The following ABCB5 variants were observed in gnomAD, a reference collection of about 807,000 sequenced individuals.
ABCB5 encodes ATP binding cassette subfamily B member 5, also known as ATP-binding cassette sub-family B member 5.
A neutral mutation model predicts 144.2 loss-of-function variants in ABCB5; 155 were observed. The observed-to-expected ratio is 1.08, with a 90% CI of 0.94 to 1.23. The LOEUF is 1.23. Ranked by LOEUF, ABCB5 falls within the 50% of genes most tolerant of loss-of-function variation. The pLI is 0.00. For synonymous variants in ABCB5, 610 were observed against 528.6 expected, an observed-to-expected ratio of 1.15 and a Z score of -2.11; for missense variants, 1,830 against 1,520.8, an observed-to-expected ratio of 1.20 and a Z score of -3.38.
chr7:20,702,889 G>C (rs978876014), intron 19 of ABCB5, among the ~76,000 whole-genome samples: 3 of 139,750 alleles, frequency 2.1e-5, no homozygotes, highest in Non-Finnish European at 3.0e-5. Context: ...TGTTAGCCAA[G>C]ATGGTCTCGA....
At chr7:20,651,873 T>G (rs1316664441) in intron 13 of ABCB5, among the ~76,000 whole-genome samples, 1 of 152,054 alleles carries the variant, frequency 6.6e-6, no homozygotes, top group Non-Finnish European at 1.5e-5. Flanking sequence ...CTATTGTTAA[T>G]TTTAGTGTAT....
Position 20,736,174 on chromosome 7 carries a change from T to C in ABCB5, c.2868-2809T>C, listed in dbSNP as rs117325684. 1.5e-3 allele frequency among the ~76,000 whole-genome samples: 233 copies of C among 152,306 alleles called. 5 individuals are homozygous for C. The East Asian group carries it at 0.034, about 22-fold the overall frequency. On this transcript the variant is annotated intron_variant, in intron 23 of 27. Coordinates refer to ENST00000404938, the MANE Select transcript of ABCB5 (RefSeq NM_001163941.2). ...TGTGATTTGACCTGCCGTGCTAATCTATTGCTACAGAAGTGTGAGAGCTTT... is the reference window on the plus strand; with the variant it reads ...TGTGATTTGACCTGCCGTGCTAATCCATTGCTACAGAAGTGTGAGAGCTTT...
chr7:20,651,395 C>T, intron 12 of ABCB5, 25 bp from the exon 13 acceptor site: 1 of 1,612,926 alleles, frequency 6.2e-7, no homozygotes, highest in Non-Finnish European at 8.5e-7. Flanking sequence ...GGCATCACAA[C>T]ATGGTTCATT....
chr7:20,624,399 A>T (rs1289888216), intron 2 of ABCB5, among the ~76,000 whole-genome samples: 2 of 152,210 alleles, frequency 1.3e-5, no homozygotes, highest in Non-Finnish European at 2.9e-5. Flanking sequence ...AATACACTAC[A>T]GACCTCATTG....
intron 20 of ABCB5, among the ~76,000 whole-genome samples, chr7:20,710,393 G>GGGGGGGGT (rs1786989760): frequency 1.0e-5 from 1 of 100,018 alleles, no homozygotes; most frequent in African/African-American, 3.8e-5. Flanking sequence ...TGGGGGGGGG[G>GGGGGGGGT]CATGACTGTG....
At chr7:20,701,728 A>C (rs529815908) in intron 19 of ABCB5, among the ~76,000 whole-genome samples, 1 of 152,332 alleles carries the variant, frequency 6.6e-6, no homozygotes, top group Non-Finnish European at 1.5e-5. Context: ...TCATGTACAT[A>C]CTCACAAAGA....
intron 7 of ABCB5, among the ~76,000 whole-genome samples, chr7:20,645,334 A>G (rs961103309): frequency 2.6e-5 from 4 of 152,198 alleles, no homozygotes; most frequent in African/African-American, 9.6e-5. Flanking sequence ...CAGTTATCCA[A>G]GCATGTCTTA....
chr7:20,702,843 T>A (rs1786679191), intron 19 of ABCB5, among the ~76,000 whole-genome samples: 1 of 148,338 alleles, frequency 6.7e-6, no homozygotes, highest in African/African-American at 2.5e-5. Context: ...TTTTTTTTTT[T>A]TTTTTTGTAT....
intron 15 of ABCB5, 91 bp from the exon 16 acceptor site, chr7:20,685,605 A>G: frequency 1.7e-6 from 2 of 1,173,978 alleles, no homozygotes. Flanking sequence ...TCAATAGCAA[A>G]GGCGATAACA....
chr7:20,661,655 C>G (rs1785008256), intron 14 of ABCB5, among the ~76,000 whole-genome samples: 1 of 151,282 alleles, frequency 6.6e-6, no homozygotes, highest in African/African-American at 2.4e-5. Flanking sequence ...CTGCCTCAGG[C>G]TCCTGAGTAG....
intron 14 of ABCB5, chr7:20,659,692 C>T (rs1442990955): frequency 1.5e-5 from 15 of 987,348 alleles, no homozygotes; most frequent in Middle Eastern, 1.0e-3. Context: ...ATTTTTTATA[C>T]TTAGTAACTA....
At chr7:20,618,022 T>C (rs1478597669) in intron 1 of ABCB5, among the ~76,000 whole-genome samples, 1 of 152,174 alleles carries the variant, frequency 6.6e-6, no homozygotes, top group Non-Finnish European at 1.5e-5. Flanking sequence ...AACTTTAAGA[T>C]TACCCTTTTT....
chr7:20,645,643 G>C, intron 7 of ABCB5, 113 bp from the exon 8 acceptor site: 1 of 1,322,430 alleles, frequency 7.6e-7, no homozygotes, highest in South Asian at 1.5e-5. Flanking sequence ...CAGAGATAAA[G>C]TCTAAAAAAA....
chr7:20,708,101 G>GC (rs1562571714), intron 20 of ABCB5, among the ~76,000 whole-genome samples: 1 of 152,080 alleles, frequency 6.6e-6, no homozygotes. Context: ...ACCGCGCCCG[G>GC]CGGTAACCTC....
chr7:20,690,190 A>G (rs1009128300), intron 16 of ABCB5, among the ~76,000 whole-genome samples: 1 of 152,234 alleles, frequency 6.6e-6, no homozygotes, highest in Middle Eastern at 3.2e-3. Flanking sequence ...TTGTGAATCT[A>G]AGCAACAAAC....
chr7:20,663,181 C>T (rs754321078), intron 14 of ABCB5, among the ~76,000 whole-genome samples: 3 of 152,184 alleles, frequency 2.0e-5, no homozygotes, highest in Admixed American at 1.3e-4. Context: ...GAGCTAAAAC[C>T]GATTCCAGAT....
At chr7:20,668,584 G>A (rs545912737) in intron 14 of ABCB5, among the ~76,000 whole-genome samples, 1,363 of 143,844 alleles carry the variant, frequency 9.5e-3, no homozygotes, top group African/African-American at 0.035. Flanking sequence ...CCGTCCGGGA[G>A]GGAGGTGGGG....
chr7:20,616,218 T>C (rs1387530074), intron 1 of ABCB5, among the ~76,000 whole-genome samples: 1 of 152,108 alleles, frequency 6.6e-6, no homozygotes, highest in African/African-American at 2.4e-5. Flanking sequence ...TTATTTTTAG[T>C]AGAGATGGGG....
intron 24 of ABCB5, among the ~76,000 whole-genome samples, chr7:20,740,840 C>G (rs1014457268): frequency 1.3e-5 from 2 of 152,084 alleles, no homozygotes; most frequent in South Asian, 2.1e-4. Context: ...GGTGTGGTGG[C>G]TTACACCTGT....
Sources: allele counts gnomAD v4.1 joint callset (sites outside exome capture counted in the v4.1 genomes callset), GRCh38; gene constraint gnomAD v4.1.1; transcripts MANE v1.5; gene names NCBI Gene and HGNC (gene_info 2026-07-23, HGNC 2026-07-21).